ZSCAN31: variants seen among roughly 807,000 people sequenced by gnomAD.
ZSCAN31 encodes the protein zinc finger and SCAN domain-containing protein 31.
Under a neutral mutation model 22.5 loss-of-function variants are expected in ZSCAN31, and 14 were observed. That is an observed-to-expected ratio of 0.62 (90% CI 0.41 to 0.97). ZSCAN31 has a LOEUF of 0.97. ZSCAN31 is among the 50% of genes least tolerant of loss of function. The probability of loss-of-function intolerance (pLI) is 0.00; values close to 1 mark genes in which losing one functional copy is unlikely to be tolerated. For missense variants in ZSCAN31, 424 were observed against 483.4 expected (o/e 0.88, Z 1.15); for synonymous variants, 168 against 169.8 (o/e 0.99, Z 0.08).
chr6:28,355,806 C>T (rs1429836042), upstream of ZSCAN31: 2 of 152,350 alleles, frequency 1.3e-5, no homozygotes, highest in African/African-American at 4.8e-5. Flanking sequence ...GTGTTCCTGG[C>T]TCTCTGGAGC....
rs1764798268 is a variant in ZSCAN31 at position 28,349,167 on chromosome 6, ATATATAGGTGTATATATATGT to A, written c.-371+4674_-371+4694del. ...ATATAGGTGTATATATATGTCTCAT[ATATATAGGTGTATATATATGT>A]CTCATATATATAGGTGTATATATAT... On this transcript the variant is annotated intron_variant, in intron 2 of 7. Transcript: ENST00000396838. The surrounding 1 kb of genome is among the most constrained non-coding windows in gnomAD (Gnocchi z 4.1). Among the ~76,000 whole-genome samples the A allele has an allele frequency of 9.0e-5, 1 of 11,058 alleles. No individual in the cohort carries two copies. Among genetic ancestry groups the A allele is most frequent in the Non-Finnish European group, 1.8e-4 (1 of 5,420 alleles). The allele number at this position is 11,058 out of a possible 152,430, so 7.3% of individuals were successfully genotyped here. A position where few individuals can be genotyped will look rare whatever the true frequency, so the allele number is the denominator to read the frequency against.
upstream of ZSCAN31, among the ~76,000 whole-genome samples, chr6:28,340,432 T>G (rs1764367665): frequency 6.6e-6 from 1 of 152,234 alleles, no homozygotes; most frequent in Non-Finnish European, 1.5e-5. Flanking sequence ...TACTAAGGTC[T>G]TATGAGATCT....
chr6:28,334,376 G>T (rs1466933259), intron 1 of ZSCAN31, among the ~76,000 whole-genome samples: 1 of 146,404 alleles, frequency 6.8e-6, no homozygotes, highest in Non-Finnish European at 1.5e-5. Context: ...TGCAGAATTT[G>T]ATGTGTCCCC....
At chr6:28,334,430 AGAGAATGTTTTCATTCAT>A (rs1444589767) in intron 1 of ZSCAN31, among the ~76,000 whole-genome samples, 56 of 152,392 alleles carry the variant, frequency 3.7e-4, no homozygotes, top group Non-Finnish European at 7.1e-4. Flanking sequence ...AGAGCATAAA[AGAGAATGTTTTCATTCAT>A]GAGAATGTTT....
Position 28,329,626 on chromosome 6 carries a change from T to G in ZSCAN31, c.58A>C (p.Ile20Leu), listed in dbSNP as rs769845663. Residue 20 changes from isoleucine to leucine, a missense_variant, in exon 2 of 4, where the codon ATC (isoleucine) becomes CTC (leucine). Ile to Leu is a conservative substitution (Grantham distance 5, BLOSUM62 2). Coordinates refer to ENST00000344279, the MANE Select transcript of ZSCAN31 (RefSeq NM_030899.5). ...LKIVKVEEDP[I>L]WDQETHLRGN... ...CGAAGGTGGGTTTCTTGGTCCCAGATAGGGTCTTCCTCCACTTTCACAATC... is the reference window on the plus strand; with the variant it reads ...CGAAGGTGGGTTTCTTGGTCCCAGAGAGGGTCTTCCTCCACTTTCACAATC... 6.2e-7 allele frequency: 1 copy of G among 1,614,222 alleles called. No individual in the cohort carries two copies. Among genetic ancestry groups the G allele is most frequent in the East Asian group, 2.2e-5 (1 of 44,894 alleles).
intron 2 of ZSCAN31, 115 bp downstream of exon 2, chr6:28,329,188 A>T: frequency 2.3e-6 from 3 of 1,279,654 alleles, no homozygotes; most frequent in Non-Finnish European, 2.1e-6. Context: ...GTTTAGGGGT[A>T]ATTTGTTACA....
At chr6:28,328,188 T>A (rs1763452541) in intron 2 of ZSCAN31, among the ~76,000 whole-genome samples, 1 of 152,232 alleles carries the variant, frequency 6.6e-6, no homozygotes, top group Non-Finnish European at 1.5e-5. Context: ...AAATTGCTAA[T>A]GAAGTTTCGG....
chr6:28,348,350 G>C (rs1033054443), intron 2 of ZSCAN31, among the ~76,000 whole-genome samples: 1 of 152,120 alleles, frequency 6.6e-6, no homozygotes, highest in Non-Finnish European at 1.5e-5. Context: ...AGAAAAAAGA[G>C]CAATTATTCT....
chr6:28,348,051 TC>T (rs147744731), intron 2 of ZSCAN31, among the ~76,000 whole-genome samples: 7,833 of 151,870 alleles, frequency 0.052, 495 homozygotes, highest in African/African-American at 0.16. Flanking sequence ...CCATTTTTTT[TC>T]TGTATGATTG....
At chr6:28,332,336 T>G (rs1443564639) in intron 1 of ZSCAN31, 1 of 152,236 alleles carries the variant, frequency 6.6e-6, no homozygotes, top group African/African-American at 2.4e-5. Flanking sequence ...TTTATTCGAT[T>G]AAATGCAAAT....
chr6:28,326,326 C>T lies in ZSCAN31; in HGVS notation c.1061G>A (p.Arg354His), dbSNP rs370361737. 28 of 1,614,164 alleles carry T rather than the reference C, an allele frequency of 1.7e-5. No individual in the cohort carries two copies. Among genetic ancestry groups the T allele is most frequent in the East Asian group, 1.3e-4 (6 of 44,884 alleles). Residue 354 changes from arginine to histidine, a missense_variant, in exon 4 of 4, where the codon CGT (arginine) becomes CAT (histidine). By Grantham distance (29) the Arg-to-His change is conservative (BLOSUM62 0). Transcript: ENST00000344279. The part of the protein sequence containing the change: ...IHTGEKRYQC[R>H]ECGKAFIQNA... ...CTGAATGAAGGCTTTGCCACACTCA[C>T]GACACTGATAGCGCTTCTCTCCAGT...
chr6:28,335,937 C>T (rs1764130175), intron 1 of ZSCAN31, 145 bp downstream of exon 1: 1 of 152,392 alleles, frequency 6.6e-6, no homozygotes, highest in Non-Finnish European at 1.5e-5. Flanking sequence ...GCGGGACCTC[C>T]ACCTACTCCA....
intron 2 of ZSCAN31, among the ~76,000 whole-genome samples, chr6:28,342,911 GA>G (rs1353414428): frequency 6.6e-6 from 1 of 152,232 alleles, no homozygotes; most frequent in African/African-American, 2.4e-5. Flanking sequence ...TCTACAGAGA[GA>G]CTGCAGTCAG....
At chr6:28,343,542 C>CTTTTTTTTTTTTTTTTTT (rs34131321) in intron 2 of ZSCAN31, among the ~76,000 whole-genome samples, 5 of 105,874 alleles carry the variant, frequency 4.7e-5, no homozygotes, top group Non-Finnish European at 7.1e-5. Flanking sequence ...TTTTTTCTTT[C>CTTTTTTTTTTTTTTTTTT]TTTTTTTTTT....
intron 2 of ZSCAN31, among the ~76,000 whole-genome samples, chr6:28,343,818 G>A (rs1044750451): frequency 6.6e-6 from 1 of 152,132 alleles, no homozygotes; most frequent in Non-Finnish European, 1.5e-5. Context: ...GTGAGCCACT[G>A]TGCCTGGCCT....
In ZSCAN31 at chr6:28,333,447, A is replaced by G. The variant is rs573227626; in HGVS notation, c.-96+2635T>C. Among the ~76,000 whole-genome samples, 7 of 152,356 alleles carry G rather than the reference A, an allele frequency of 4.6e-5. No individual in the cohort carries two copies. The South Asian group carries it at 1.4e-3, about 32-fold the overall frequency. ...TTTTAACGGGGAAGACAAACCAAAA[A>G]TAAAAGCAACAACAAAAATAAGTAA... On this transcript the variant is annotated intron_variant, in intron 1 of 3. Transcript: ENST00000344279. The surrounding 1 kb of genome is among the most constrained non-coding windows in gnomAD (Gnocchi z 4.1).
intron 2 of ZSCAN31, among the ~76,000 whole-genome samples, chr6:28,346,257 C>G (rs1402255224): frequency 6.7e-6 from 1 of 149,994 alleles, no homozygotes; most frequent in Non-Finnish European, 1.5e-5. Flanking sequence ...GCTGCTGTTA[C>G]ACAGTGGGGA....
rs1763286781 is a variant in ZSCAN31, at chr6:28,326,557, C to G, written c.830G>C (p.Ser277Thr). Residue 277 changes from serine to threonine, a missense_variant, in exon 4 of 4, where the codon AGC becomes ACC. Transcript: ENST00000344279. ...YECEECGKAF[S>T]RRSSLNEHRR... is the part of the protein sequence containing the mutation. ...ATGTTCATTCAGGCTTGACCTCCGGCTGAAGGCCTTCCCACATTCTTCACA... is the reference window on the plus strand; with the variant it reads ...ATGTTCATTCAGGCTTGACCTCCGGGTGAAGGCCTTCCCACATTCTTCACA... 1 of 1,614,050 alleles carries G rather than the reference C, an allele frequency of 6.2e-7. No individual in the cohort carries two copies. The highest frequency in any genetic ancestry group is 1.3e-5 in the African/African-American group (1 of 74,918).
Position 28,331,518 on chromosome 6 carries a change from T to C in ZSCAN31, c.-95-1740A>G, listed in dbSNP as rs16893970. Among the ~76,000 whole-genome samples, 40,117 of 152,156 alleles carry C rather than the reference T, an allele frequency of 0.26. 6,422 individuals carry two copies. The highest frequency in any genetic ancestry group is 0.43 in the African/African-American group (17,819 of 41,466). ...ACCTTAATAAAATATTCACATAAAA[T>C]GATGTTACAGAATTGAGAATTTGAA... On this transcript the variant is annotated intron_variant, in intron 1 of 3. Coordinates refer to ENST00000344279, the MANE Select transcript of ZSCAN31 (RefSeq NM_030899.5). This position sits in a 1 kb window ranked among gnomAD's most constrained non-coding sequence, Gnocchi z 4.8.
Sources: gnomAD v4.1 joint callset for allele counts (sites outside exome capture counted in the v4.1 genomes callset) on GRCh38, gnomAD v4.1.1 for gene constraint, Gnocchi (gnomAD v3.1) non-coding constraint, MANE v1.5 for transcripts, NCBI Gene and HGNC (gene_info 2026-07-23, HGNC 2026-07-21) for gene names.